The following TMEM192 variants were observed in gnomAD, a reference collection of about 807,000 sequenced individuals.
The protein encoded by TMEM192 is transmembrane protein 192.
Under a neutral mutation model 26.7 loss-of-function variants are expected in TMEM192, and 20 were observed. That is an observed-to-expected ratio of 0.75 (90% CI 0.53 to 1.09). The LOEUF is 1.09. Among genes scored for constraint, TMEM192 ranks in the 50% least tolerant of loss-of-function variants. The probability of loss-of-function intolerance (pLI) is 0.00; values close to 1 mark genes in which losing one functional copy is unlikely to be tolerated. For missense variants in TMEM192, 304 were observed against 322.6 expected (o/e 0.94, Z 0.44); for synonymous variants, 124 against 121.0 (o/e 1.02, Z -0.16).
chr4:165,103,161 C>A lies in TMEM192; in HGVS notation c.28-65G>T. The A allele has an allele frequency of 7.0e-7, 1 of 1,437,834 alleles. No individual in the cohort carries two copies. The highest frequency in any genetic ancestry group is 9.2e-7 in the Non-Finnish European group (1 of 1,084,236). 89.1% of individuals were successfully genotyped at this position (1,437,834 alleles called of 1,614,324 possible). ...TCTAGATTATGTTTCTAAGACAAAT[C>A]TACTAAACTACAGAGCTTTTTAACC... On this transcript the variant is annotated intron_variant, in intron 1 of 5. Coordinates refer to ENST00000306480, the MANE Select transcript of TMEM192 (RefSeq NM_001100389.2).
chr4:165,089,817 G>A (rs1456749826), intron 3 of TMEM192, among the ~76,000 whole-genome samples: 1 of 152,176 alleles, frequency 6.6e-6, no homozygotes, highest in Non-Finnish European at 1.5e-5. Context: ...GGAGTACTCA[G>A]CATGCCAAAG....
intron 3 of TMEM192, among the ~76,000 whole-genome samples, chr4:165,091,109 C>T (rs938183446): frequency 3.3e-5 from 5 of 150,948 alleles, no homozygotes; most frequent in Admixed American, 6.6e-5. Context: ...ACTAAAAATA[C>T]GAAAAAAATT....
chr4:165,108,417 G>A (rs927360623), intron 1 of TMEM192, among the ~76,000 whole-genome samples: 2 of 152,012 alleles, frequency 1.3e-5, no homozygotes, highest in African/African-American at 4.8e-5. Flanking sequence ...CACCGCACCC[G>A]GCCATTTTCT....
At position 165,083,563 on chromosome 4, in the gene TMEM192, TTTTGTTC is replaced by T. The variant is rs976395750; in HGVS notation, c.677+2016_677+2022del. On this transcript the variant is annotated intron_variant, in intron 5 of 5. Coordinates refer to ENST00000306480, the MANE Select transcript of TMEM192 (RefSeq NM_001100389.2). The stretch of plus-strand genomic sequence containing the variant: ...TGCTCATTAAGTGTTTGTTTTTGTT[TTTTGTTC>T]TTTTTTCTTTTTATTCATTAAGTAT... 1.0e-4 allele frequency among the ~76,000 whole-genome samples: 4 copies of T among 40,186 alleles called. 2 individuals carry two copies. 26.4% of individuals were successfully genotyped at this position (40,186 alleles called of 152,430 possible).
At chr4:165,088,148 T>A (rs146885501) in intron 4 of TMEM192, among the ~76,000 whole-genome samples, 1,948 of 152,270 alleles carry the variant, frequency 0.013, 18 homozygotes, top group Middle Eastern at 0.02. Flanking sequence ...AGAGCTCAAG[T>A]GATCCTTCTG....
At chr4:165,084,866 A>G (rs1176530168) in intron 5 of TMEM192, among the ~76,000 whole-genome samples, 3 of 152,200 alleles carry the variant, frequency 2.0e-5, no homozygotes, top group African/African-American at 7.2e-5. Flanking sequence ...GAGACTGGAT[A>G]GAAACAAGGG....
rs541056658 is a variant in TMEM192, at chr4:165,078,513, T to C, written c.*1145A>G. On this transcript the variant is annotated 3_prime_UTR_variant, in exon 6 of 6. Coordinates refer to ENST00000306480, the MANE Select transcript of TMEM192 (RefSeq NM_001100389.2). ...AATTTTTAAGTATAATCCAAGGCTT[T>C]AAAAGGTATCTTTTTTTTACAGTAA... The C allele has an allele frequency of 1.3e-5, 2 of 152,372 alleles. No individual in the cohort carries two copies. The highest frequency in any genetic ancestry group is 3.9e-4 in the East Asian group (2 of 5,190). 9.4% of individuals were successfully genotyped at this position (152,372 alleles called of 1,614,324 possible).
chr4:165,111,342 C>T (rs1735288856), intron 1 of TMEM192, among the ~76,000 whole-genome samples: 1 of 152,310 alleles, frequency 6.6e-6, no homozygotes, highest in East Asian at 1.9e-4. Flanking sequence ...TATCTGCCTG[C>T]CTCGGCCTCC....
chr4:165,110,710 A>G (rs1189299872), intron 1 of TMEM192, among the ~76,000 whole-genome samples: 1 of 152,288 alleles, frequency 6.6e-6, no homozygotes, highest in Middle Eastern at 3.4e-3. Flanking sequence ...CATCACAAAA[A>G]AAGAAGAAAG....
intron 1 of TMEM192, among the ~76,000 whole-genome samples, chr4:165,104,150 T>C (rs1247890057): frequency 2.0e-5 from 3 of 152,210 alleles, no homozygotes; most frequent in Admixed American, 1.3e-4. Context: ...GCATTGTATA[T>C]ACTTTTAATT....
At position 165,072,207 on chromosome 4, in the gene TMEM192, G is replaced by A. The variant is rs1386777492; in HGVS notation, c.*7451C>T. 1.4e-5 allele frequency: 2 copies of A among 144,668 alleles called. No individual in the cohort carries two copies. The highest frequency in any genetic ancestry group is 5.2e-5 in the African/African-American group (2 of 38,650). The allele number at this position is 144,668 out of a possible 1,614,324, so 9.0% of individuals were successfully genotyped here. On this transcript the variant is annotated 3_prime_UTR_variant, in exon 6 of 6. Coordinates refer to ENST00000306480, the MANE Select transcript of TMEM192 (RefSeq NM_001100389.2). ...CACTGCACTCCAGCCTGTGCGACAC[G>A]AGTGAGACTCCATCTCAAGAAAAAA...
chr4:165,105,377 T>C (rs568516421), intron 1 of TMEM192, among the ~76,000 whole-genome samples: 1 of 152,338 alleles, frequency 6.6e-6, no homozygotes, highest in Non-Finnish European at 1.5e-5. Context: ...CCAAAGGCAG[T>C]AAGAGCTGTG....
intron 3 of TMEM192, among the ~76,000 whole-genome samples, chr4:165,100,394 G>C (rs1278816360): frequency 6.6e-6 from 1 of 152,014 alleles, no homozygotes; most frequent in East Asian, 1.9e-4. Flanking sequence ...TCCTGACCTC[G>C]TGATCTGCCC....
At chr4:165,112,368 C>T (rs1735315505) in intron 1 of TMEM192, among the ~76,000 whole-genome samples, 1 of 152,166 alleles carries the variant, frequency 6.6e-6, no homozygotes, top group Admixed American at 6.5e-5. Context: ...GGCCCGGCTC[C>T]CGGAGACTCG....
chr4:165,079,620 T>A lies in TMEM192; in HGVS notation c.*38A>T. ...GGTGGTCAGTCAGTCTCAATTACTC[T>A]GGGTTCCTCTGCAATTGCTGTCATG... On this transcript the variant is annotated 3_prime_UTR_variant, in exon 6 of 6. Transcript: ENST00000306480. The A allele has an allele frequency of 6.3e-7, 1 of 1,585,082 alleles. No individual in the cohort carries two copies. The highest frequency in any genetic ancestry group is 8.6e-7 in the Non-Finnish European group (1 of 1,163,394).
intron 5 of TMEM192, among the ~76,000 whole-genome samples, chr4:165,080,520 T>C (rs1734496146): frequency 6.6e-6 from 1 of 152,120 alleles, no homozygotes; most frequent in Non-Finnish European, 1.5e-5. Context: ...AAATAAAATG[T>C]TATTGGATGT....
chr4:165,100,771 C>A lies in TMEM192; in HGVS notation c.296G>T (p.Gly99Val), dbSNP rs1400375964. The A allele has an allele frequency of 6.2e-7, 1 of 1,613,942 alleles. No homozygotes were observed. Among genetic ancestry groups the A allele is most frequent in the Admixed American group, 1.7e-5 (1 of 59,982 alleles). The change falls in exon 3 of 6, where the codon GGG becomes GTG. Residue 99 changes from glycine to valine, a missense_variant. Transcript: ENST00000306480. ...ATGGAGAATCCACAAAATAACTTTC[C>A]CAAGGATTATAACCGTCTGAACTTT... Reference protein sequence around the residue: ...PLKVQTVIILGKVILWILHLL... With the variant: ...PLKVQTVIILVKVILWILHLL...
At position 165,076,733 on chromosome 4, in the gene TMEM192, C is replaced by G. The variant is rs531884080; in HGVS notation, c.*2925G>C. On this transcript the variant is annotated 3_prime_UTR_variant, in exon 6 of 6. Transcript: ENST00000306480. ...GTCTTTAATTTTTGTATCCTCAGTG[C>G]TAGCACAATTACCAGCCTGGTGAAT... 2.6e-5 allele frequency: 4 copies of G among 152,272 alleles called. No individual in the cohort carries two copies. In the East Asian group the frequency reaches 5.8e-4, roughly 22 times the overall value. The allele number at this position is 152,272 out of a possible 1,614,324, so 9.4% of individuals were successfully genotyped here. A position where few individuals can be genotyped will look rare whatever the true frequency, so the allele number is the denominator to read the frequency against.
chr4:165,085,747 T>C, intron 4 of TMEM192, 59 bp from the exon 5 acceptor site: 1 of 1,289,518 alleles, frequency 7.8e-7, no homozygotes, highest in African/African-American at 1.5e-5. Flanking sequence ...GTTTCATTTT[T>C]TCAAATTATG....
Sources: gnomAD v4.1 joint callset for allele counts (sites outside exome capture counted in the v4.1 genomes callset) on GRCh38, gnomAD v4.1.1 for gene constraint, MANE v1.5 for transcripts, NCBI Gene and HGNC (gene_info 2026-07-23, HGNC 2026-07-21) for gene names.